The following RNLS variants were observed in gnomAD, a reference collection of about 807,000 sequenced individuals.
RNLS encodes the protein renalase.
A neutral mutation model predicts 39.8 loss-of-function variants in RNLS; 39 were observed. The observed-to-expected ratio is 0.98, with a 90% CI of 0.76 to 1.28. RNLS has a LOEUF of 1.28. RNLS is among the 50% of genes most tolerant of loss of function. The pLI, the probability that RNLS is intolerant of heterozygous loss-of-function variation, is 0.00. For synonymous variants in RNLS, 147 were observed against 150.7 expected (o/e 0.98, Z 0.18); for missense variants, 410 against 413.3 (o/e 0.99, Z 0.07).
At chr10:88,509,153 T>C (rs972072514) in intron 4 of RNLS, among the ~76,000 whole-genome samples, 7 of 152,166 alleles carry the variant, frequency 4.6e-5, no homozygotes, top group South Asian at 4.1e-4. Flanking sequence ...TCAAGTTCAA[T>C]GTTATGACGC....
intron 4 of RNLS, among the ~76,000 whole-genome samples, chr10:88,508,523 A>C (rs1845920532): frequency 6.6e-6 from 1 of 152,152 alleles, no homozygotes; most frequent in Non-Finnish European, 1.5e-5. Flanking sequence ...GTTTGGTATA[A>C]TTCTAATGAC....
chr10:88,412,101 G>A (rs1446378855), intron 4 of RNLS, among the ~76,000 whole-genome samples: 1 of 152,032 alleles, frequency 6.6e-6, no homozygotes, highest in Non-Finnish European at 1.5e-5. Flanking sequence ...TTGCATTTTG[G>A]AAAGCCCCTA....
chr10:88,521,316 C>G (rs1464769220), intron 4 of RNLS, among the ~76,000 whole-genome samples: 2 of 152,010 alleles, frequency 1.3e-5, no homozygotes, highest in African/African-American at 4.8e-5. Context: ...GGAGCAATGG[C>G]AAAAGCAAGG....
At chr10:88,430,709 G>A (rs1319231649) in intron 4 of RNLS, among the ~76,000 whole-genome samples, 1 of 151,772 alleles carries the variant, frequency 6.6e-6, no homozygotes, top group Non-Finnish European at 1.5e-5. Context: ...ATCAGAAATA[G>A]ATATTGGATT....
intron 4 of RNLS, among the ~76,000 whole-genome samples, chr10:88,385,451 C>T (rs7073755): frequency 0.11 from 16,632 of 152,172 alleles, 1,113 homozygotes; most frequent in East Asian, 0.37. Flanking sequence ...TTATTAAACC[C>T]GGCAGCCTAG....
chr10:88,459,836 A>G (rs1247237943), intron 4 of RNLS, among the ~76,000 whole-genome samples: 1 of 152,198 alleles, frequency 6.6e-6, no homozygotes, highest in African/African-American at 2.4e-5. Flanking sequence ...GAATCACTCT[A>G]GACCTTTAAC....
At chr10:88,579,990 A>C (rs1198689913) in intron 3 of RNLS, among the ~76,000 whole-genome samples, 7 of 152,192 alleles carry the variant, frequency 4.6e-5, no homozygotes, top group Admixed American at 4.6e-4. Flanking sequence ...CCTGCCTGAA[A>C]GCCTTTGAAC....
chr10:88,364,582 C>A (rs1415618564), intron 4 of RNLS, among the ~76,000 whole-genome samples: 2 of 152,114 alleles, frequency 1.3e-5, no homozygotes, highest in Admixed American at 1.3e-4. Context: ...CTATACTTTC[C>A]TCTGCTCATC....
chr10:88,369,617 T>G (rs1022350661), intron 4 of RNLS, among the ~76,000 whole-genome samples: 1 of 152,188 alleles, frequency 6.6e-6, no homozygotes, highest in Admixed American at 6.5e-5. Flanking sequence ...TACTAGTTCC[T>G]AGGTGCCACA....
At chr10:88,576,187 T>C (rs778991906) in intron 3 of RNLS, among the ~76,000 whole-genome samples, 11 of 152,216 alleles carry the variant, frequency 7.2e-5, no homozygotes, top group African/African-American at 2.4e-4. Flanking sequence ...ACATTTATCA[T>C]GCATCTTTTC....
At chr10:88,506,018 G>A (rs1845769968) in intron 4 of RNLS, among the ~76,000 whole-genome samples, 1 of 152,074 alleles carries the variant, frequency 6.6e-6, no homozygotes, top group South Asian at 2.1e-4. Context: ...GAACTCTGGG[G>A]GTGGGGCCAA....
intron 5 of RNLS, among the ~76,000 whole-genome samples, chr10:88,320,385 A>C (rs1440162847): frequency 1.3e-5 from 2 of 151,630 alleles, no homozygotes; most frequent in Admixed American, 1.3e-4. Flanking sequence ...GCAATTACAC[A>C]ATTGAGAATA....
chr10:88,446,280 C>T (rs1842030797), intron 4 of RNLS, among the ~76,000 whole-genome samples: 1 of 152,122 alleles, frequency 6.6e-6, no homozygotes, highest in Non-Finnish European at 1.5e-5. Flanking sequence ...AACAAAGACA[C>T]AACATACCAG....
chr10:88,461,281 G>C (rs1245929253), intron 4 of RNLS, among the ~76,000 whole-genome samples: 1 of 152,074 alleles, frequency 6.6e-6, no homozygotes, highest in Non-Finnish European at 1.5e-5. Context: ...AAGAGGCTTT[G>C]GGTGTTTTTG....
chr10:88,555,191 C>T (rs1229924653), intron 4 of RNLS, among the ~76,000 whole-genome samples: 1 of 151,946 alleles, frequency 6.6e-6, no homozygotes, highest in Non-Finnish European at 1.5e-5. Flanking sequence ...AAACACTGGT[C>T]TAAACACACT....
intron 4 of RNLS, among the ~76,000 whole-genome samples, chr10:88,466,779 A>T (rs192187345): frequency 1.3e-5 from 2 of 152,278 alleles, no homozygotes; most frequent in African/African-American, 4.8e-5. Flanking sequence ...ATATGAACAA[A>T]CTAGGTTGCA....
At chr10:88,396,893 T>C (rs1852596183) in intron 4 of RNLS, among the ~76,000 whole-genome samples, 2 of 151,886 alleles carry the variant, frequency 1.3e-5, no homozygotes, top group South Asian at 4.1e-4. Context: ...ACAAGATTAT[T>C]TTATAATAAT....
chr10:88,426,078 T>C (rs1854735410), intron 4 of RNLS, among the ~76,000 whole-genome samples: 1 of 152,096 alleles, frequency 6.6e-6, no homozygotes, highest in Admixed American at 6.6e-5. Flanking sequence ...TATGACTTCA[T>C]TCATTCATTT....
At chr10:88,562,795 G>T (rs549899708) in intron 4 of RNLS, among the ~76,000 whole-genome samples, 1 of 151,924 alleles carries the variant, frequency 6.6e-6, no homozygotes, top group African/African-American at 2.4e-5. Flanking sequence ...AGATACCAAC[G>T]GAAAAGATAA....
Sources: gnomAD v4.1 joint callset for allele counts (sites outside exome capture counted in the v4.1 genomes callset) on GRCh38, gnomAD v4.1.1 for gene constraint, MANE v1.5 for transcripts, NCBI Gene and HGNC (gene_info 2026-07-23, HGNC 2026-07-21) for gene names.